CACNA2D3: variants seen among roughly 807,000 people sequenced by gnomAD.
CACNA2D3 encodes calcium voltage-gated channel auxiliary subunit alpha2delta 3.
In CACNA2D3, 60 loss-of-function variants were observed where a neutral mutation model predicts 160.6. That is an observed-to-expected ratio of 0.37 (90% CI 0.30 to 0.46). CACNA2D3 has a LOEUF of 0.46. Ranked by LOEUF, CACNA2D3 falls within the 20% of genes least tolerant of loss-of-function variation. The probability of loss-of-function intolerance (pLI) is 1.00; values close to 1 mark genes in which losing one functional copy is unlikely to be tolerated. For missense variants in CACNA2D3, 1,205 were observed against 1,365.0 expected, an observed-to-expected ratio of 0.88 and a Z score of 1.85; for synonymous variants, 558 against 492.9, an observed-to-expected ratio of 1.13 and a Z score of -1.75.
At chr3:54,703,371 C>A (rs1031796043) in intron 11 of CACNA2D3, among the ~76,000 whole-genome samples, 3 of 152,196 alleles carry the variant, frequency 2.0e-5, no homozygotes, top group African/African-American at 7.2e-5. Flanking sequence ...AAGAATTTTA[C>A]AGGCCTAATC....
Position 54,234,165 on chromosome 3 carries a change from A to G in CACNA2D3, c.205-86277A>G, listed in dbSNP as rs539548371. ...TATAAGGATCTTAAATTTACAATAA[A>G]AAAAACTCCATTAAAAAGTGGCGTG... On this transcript the variant is annotated intron_variant, in intron 2 of 37. Transcript: ENST00000474759. Among the ~76,000 whole-genome samples, 12 of 152,332 alleles carry G rather than the reference A, an allele frequency of 7.9e-5. No homozygotes were observed. In the South Asian group the frequency reaches 2.5e-3, roughly 32 times the overall value.
At chr3:54,877,931 C>T (rs959704825) in intron 18 of CACNA2D3, among the ~76,000 whole-genome samples, 4 of 152,130 alleles carry the variant, frequency 2.6e-5, no homozygotes, top group African/African-American at 9.7e-5. Context: ...CTCTCCCTGT[C>T]CAAAACCACA....
chr3:54,770,015 C>G (rs1702290421), intron 13 of CACNA2D3, among the ~76,000 whole-genome samples: 1 of 152,092 alleles, frequency 6.6e-6, no homozygotes, highest in Non-Finnish European at 1.5e-5. Flanking sequence ...AGAGCCCTTG[C>G]TGAATTACAC....
At chr3:54,384,535 CT>C (rs1699157443) in intron 3 of CACNA2D3, among the ~76,000 whole-genome samples, 1 of 152,178 alleles carries the variant, frequency 6.6e-6, no homozygotes, top group South Asian at 2.1e-4. Flanking sequence ...GGCTTTCAAG[CT>C]TCATTGACTA....
chr3:54,891,341 T>C lies in CACNA2D3; in HGVS notation c.2151-14T>C, dbSNP rs753082938. The C allele has an allele frequency of 6.2e-7, 1 of 1,604,270 alleles. No individual in the cohort carries two copies. Among genetic ancestry groups the C allele is most frequent in the Non-Finnish European group, 8.5e-7 (1 of 1,171,120 alleles). ...TCTAGAGGCCTCCCCCTGACGTCTG[T>C]TGTTCTGTTTCAGAAATTCTGACAA... On this transcript the variant is annotated splice_polypyrimidine_tract_variant and intron_variant, in intron 24 of 37. Coordinates refer to ENST00000474759, the MANE Select transcript of CACNA2D3 (RefSeq NM_018398.3).
intron 13 of CACNA2D3, among the ~76,000 whole-genome samples, chr3:54,813,107 G>A (rs1323057385): frequency 6.6e-6 from 1 of 152,136 alleles, no homozygotes; most frequent in Non-Finnish European, 1.5e-5. Flanking sequence ...TCAGGAGTGT[G>A]TAAACCCACA....
chr3:54,670,079 C>T (rs1700130823), intron 11 of CACNA2D3, among the ~76,000 whole-genome samples: 1 of 152,174 alleles, frequency 6.6e-6, no homozygotes, highest in African/African-American at 2.4e-5. Context: ...CTTGCTCTCC[C>T]CCACAGGAAG....
chr3:55,059,436 A>T (rs1010043818), intron 35 of CACNA2D3, among the ~76,000 whole-genome samples: 4 of 152,220 alleles, frequency 2.6e-5, no homozygotes, highest in African/African-American at 9.6e-5. Flanking sequence ...CAGGAAGTGC[A>T]ACAGGGGTGT....
At chr3:55,028,271 A>G (rs1382744340) in intron 35 of CACNA2D3, among the ~76,000 whole-genome samples, 2 of 152,206 alleles carry the variant, frequency 1.3e-5, no homozygotes, top group African/African-American at 4.8e-5. Flanking sequence ...GACAGTATGT[A>G]GTGTTTTTAA....
At chr3:54,710,131 T>A (rs1189405659) in intron 11 of CACNA2D3, among the ~76,000 whole-genome samples, 1 of 152,144 alleles carries the variant, frequency 6.6e-6, no homozygotes, top group Admixed American at 6.5e-5. Flanking sequence ...GTACCAGGCA[T>A]TGAATTAGCA....
intron 11 of CACNA2D3, among the ~76,000 whole-genome samples, chr3:54,663,887 C>G (rs373442083): frequency 3.9e-5 from 6 of 152,320 alleles, no homozygotes; most frequent in South Asian, 4.1e-4. Context: ...TCCCTTCTTG[C>G]GTCCTGATGG....
At chr3:54,599,938 C>A (rs1162561901) in intron 9 of CACNA2D3, among the ~76,000 whole-genome samples, 1 of 152,186 alleles carries the variant, frequency 6.6e-6, no homozygotes, top group Non-Finnish European at 1.5e-5. Flanking sequence ...TGGGGAGGAC[C>A]ATCCAGATGC....
chr3:54,391,417 T>C (rs190644322), intron 4 of CACNA2D3, among the ~76,000 whole-genome samples: 2 of 152,248 alleles, frequency 1.3e-5, no homozygotes, highest in Admixed American at 6.5e-5. Flanking sequence ...TCCTGAAGGA[T>C]AGCATGTGTG....
At chr3:55,014,993 A>G (rs1006437615) in intron 34 of CACNA2D3, among the ~76,000 whole-genome samples, 2 of 152,194 alleles carry the variant, frequency 1.3e-5, no homozygotes, top group African/African-American at 2.4e-5. Context: ...GTTTATCACT[A>G]TATCAGCATG....
chr3:54,924,818 G>A (rs781699128), intron 27 of CACNA2D3: 7 of 1,614,054 alleles, frequency 4.3e-6, no homozygotes, highest in Non-Finnish European at 5.9e-6. Context: ...TGGGAAGGTG[G>A]CTTATGTTGT....
chr3:54,593,494 G>C (rs1392363975), intron 9 of CACNA2D3, among the ~76,000 whole-genome samples: 4 of 151,760 alleles, frequency 2.6e-5, no homozygotes, highest in African/African-American at 9.7e-5. Flanking sequence ...GATTCAGGAG[G>C]TACACCTGAT....
chr3:54,195,696 T>G (rs761643003), intron 2 of CACNA2D3, among the ~76,000 whole-genome samples: 70 of 152,078 alleles, frequency 4.6e-4, no homozygotes, highest in Admixed American at 1.2e-3. Context: ...GGTGGCAACA[T>G]TTCTTTGGAC....
chr3:54,285,551 A>G (rs1302927939), intron 2 of CACNA2D3, among the ~76,000 whole-genome samples: 1 of 152,218 alleles, frequency 6.6e-6, no homozygotes, highest in African/African-American at 2.4e-5. Context: ...GCAGACTTAA[A>G]TGTCCCTGTC....
chr3:54,938,472 G>C (rs746094935), intron 27 of CACNA2D3, among the ~76,000 whole-genome samples: 1 of 152,052 alleles, frequency 6.6e-6, no homozygotes, highest in African/African-American at 2.4e-5. Flanking sequence ...AATCCTAGTT[G>C]GTGTTCCTGT....
Sources: allele counts gnomAD v4.1 joint callset (sites outside exome capture counted in the v4.1 genomes callset), GRCh38; gene constraint gnomAD v4.1.1; transcripts MANE v1.5; gene names NCBI Gene and HGNC (gene_info 2026-07-23, HGNC 2026-07-21).